The following SLC8A3 variants were observed in gnomAD, a reference collection of about 807,000 sequenced individuals.
SLC8A3 encodes sodium/calcium exchanger 3.
SLC8A3 carries 37 observed loss-of-function variants against 65.4 expected under a neutral mutation model. The ratio of observed to expected loss-of-function variants is 0.57; its 90% CI spans 0.44 to 0.74. The LOEUF (loss-of-function observed/expected upper bound fraction) is 0.74, where lower values mean the gene tolerates loss of function less well. Among genes scored for constraint, SLC8A3 ranks in the 30% least tolerant of loss-of-function variants. SLC8A3 has a pLI of 0.00. For missense variants in SLC8A3, 1,112 were observed against 1,172.1 expected, an observed-to-expected ratio of 0.95 and a Z score of 0.75; for synonymous variants, 461 against 444.5, an observed-to-expected ratio of 1.04 and a Z score of -0.47.
At chr14:70,138,246 G>GA (rs1282039713) in intron 2 of SLC8A3, among the ~76,000 whole-genome samples, 1 of 152,150 alleles carries the variant, frequency 6.6e-6, no homozygotes, top group Non-Finnish European at 1.5e-5. Flanking sequence ...CAGCCACTGA[G>GA]AAAGGGACTT....
chr14:70,104,365 TGATAAA>T (rs1892719681), intron 2 of SLC8A3, among the ~76,000 whole-genome samples: 1 of 152,140 alleles, frequency 6.6e-6, no homozygotes, highest in Non-Finnish European at 1.5e-5. Context: ...ATAAATCACC[TGATAAA>T]GATAAAGATT....
intron 1 of SLC8A3, among the ~76,000 whole-genome samples, chr14:70,168,883 C>T (rs2140381320): frequency 6.6e-6 from 1 of 152,306 alleles, no homozygotes; most frequent in South Asian, 2.1e-4. Context: ...TGTCATTATA[C>T]TTGAGTATCT....
At chr14:70,118,612 A>C (rs145136843) in intron 2 of SLC8A3, among the ~76,000 whole-genome samples, 12 of 152,356 alleles carry the variant, frequency 7.9e-5, no homozygotes, top group Non-Finnish European at 1.3e-4. Flanking sequence ...ATAGATCTCC[A>C]CATAAAATGA....
intron 2 of SLC8A3, among the ~76,000 whole-genome samples, chr14:70,138,349 A>C (rs1317330953): frequency 2.0e-5 from 3 of 152,242 alleles, no homozygotes; most frequent in African/African-American, 7.2e-5. Context: ...CCTGGCACAT[A>C]GTAGGGACTC....
At chr14:70,056,122 G>A (rs1888087365) in intron 3 of SLC8A3, among the ~76,000 whole-genome samples, 1 of 152,206 alleles carries the variant, frequency 6.6e-6, no homozygotes, top group Non-Finnish European at 1.5e-5. Context: ...CAAATGGGTA[G>A]GTTGGTCACT....
intron 1 of SLC8A3, among the ~76,000 whole-genome samples, chr14:70,176,410 C>A (rs993283475): frequency 6.6e-6 from 1 of 152,160 alleles, no homozygotes; most frequent in Non-Finnish European, 1.5e-5. Flanking sequence ...CTACTCCAGA[C>A]CTAAGTTTTG....
intron 2 of SLC8A3, among the ~76,000 whole-genome samples, chr14:70,099,434 C>G (rs1007057884): frequency 6.6e-6 from 1 of 152,210 alleles, no homozygotes. Flanking sequence ...GATTTAGTTG[C>G]AAATCGCAGC....
At chr14:70,146,537 A>T (rs1594757492) in intron 2 of SLC8A3, among the ~76,000 whole-genome samples, 1 of 152,104 alleles carries the variant, frequency 6.6e-6, no homozygotes, top group Non-Finnish European at 1.5e-5. Flanking sequence ...CTATTCATTT[A>T]AAAAAAATTA....
chr14:70,182,631 G>A (rs867396082), intron 1 of SLC8A3, among the ~76,000 whole-genome samples: 4 of 152,168 alleles, frequency 2.6e-5, no homozygotes, highest in Non-Finnish European at 4.4e-5. Flanking sequence ...AGCAGTCCTT[G>A]TTGGATGAGA....
At chr14:70,120,848 C>A (rs1188133781) in intron 2 of SLC8A3, among the ~76,000 whole-genome samples, 1 of 152,192 alleles carries the variant, frequency 6.6e-6, no homozygotes, top group Admixed American at 6.5e-5. Flanking sequence ...GCACAGTGAT[C>A]TTTAAGATAT....
chr14:70,058,346 C>T (rs1400038721), intron 3 of SLC8A3, among the ~76,000 whole-genome samples: 1 of 130,024 alleles, frequency 7.7e-6, no homozygotes, highest in Non-Finnish European at 1.9e-5. Context: ...GTTTTATGAC[C>T]TTTCACCTTA....
intron 3 of SLC8A3, chr14:70,055,665 C>T (rs1888024888): frequency 7.1e-6 from 5 of 702,212 alleles, no homozygotes; most frequent in Non-Finnish European, 1.2e-5. Flanking sequence ...ATCTCCCAGT[C>T]CTTGGGAGAA....
chr14:70,128,995 G>C (rs1894657274), intron 2 of SLC8A3, among the ~76,000 whole-genome samples: 1 of 152,194 alleles, frequency 6.6e-6, no homozygotes, highest in Non-Finnish European at 1.5e-5. Flanking sequence ...CGTGTGAGAA[G>C]GGGGTCCCAT....
chr14:70,056,201 T>C (rs544022001), intron 3 of SLC8A3, among the ~76,000 whole-genome samples: 26 of 152,292 alleles, frequency 1.7e-4, no homozygotes, highest in Admixed American at 1.5e-3. Context: ...CCAGTTATCA[T>C]GAAAACTGTG....
chr14:70,046,106 G>A lies in SLC8A3; in HGVS notation c.2607C>T (p.Cys869=). 2.5e-6 allele frequency: 4 copies of A among 1,614,196 alleles called. No individual in the cohort carries two copies. The highest frequency in any genetic ancestry group is 2.5e-6 in the Non-Finnish European group (3 of 1,180,016). The part of the protein sequence containing the change: ...VTLFTIFAFV[C]ISVLLYRRRP... ...GCCTTCGGTACAAGAGCACGCTGAT[G>A]CAGACAAATGCAAAGATGGTGAAGA... The change falls in exon 7 of 7, where the codon TGC becomes TGT. Residue 869 remains cysteine, a synonymous_variant. Coordinates refer to ENST00000356921, the MANE Select transcript of SLC8A3 (RefSeq NM_182932.3). This position sits in a 1 kb window ranked among gnomAD's most constrained non-coding sequence, Gnocchi z 4.2.
intron 3 of SLC8A3, chr14:70,060,332 T>A (rs1014234899): frequency 2.0e-5 from 5 of 254,818 alleles, no homozygotes; most frequent in Non-Finnish European, 3.1e-5. Flanking sequence ...CCCCCCCACA[T>A]TCAATCCAGG....
At chr14:70,080,386 A>G (rs1472099070) in intron 2 of SLC8A3, among the ~76,000 whole-genome samples, 1 of 152,164 alleles carries the variant, frequency 6.6e-6, no homozygotes, top group African/African-American at 2.4e-5. Flanking sequence ...TTACCTGTGC[A>G]TTCCATCAGG....
At chr14:70,066,273 C>G (rs1222474973) in intron 2 of SLC8A3, among the ~76,000 whole-genome samples, 2 of 152,184 alleles carry the variant, frequency 1.3e-5, no homozygotes, top group African/African-American at 4.8e-5. Context: ...GGAGAAAGTC[C>G]TTACTTCTGC....
chr14:70,177,703 T>A (rs1051862644), intron 1 of SLC8A3, among the ~76,000 whole-genome samples: 1 of 152,096 alleles, frequency 6.6e-6, no homozygotes, highest in Non-Finnish European at 1.5e-5. Flanking sequence ...TGGAGATAAG[T>A]GAGGAATCGC....
Sources: allele counts gnomAD v4.1 joint callset (sites outside exome capture counted in the v4.1 genomes callset), GRCh38; gene constraint gnomAD v4.1.1; non-coding constraint Gnocchi (gnomAD v3.1); transcripts MANE v1.5; gene names NCBI Gene and HGNC (gene_info 2026-07-23, HGNC 2026-07-21).